The following WWOX variants were observed in gnomAD, a reference collection of about 807,000 sequenced individuals.
WWOX encodes the protein WW domain-containing oxidoreductase.
In WWOX, 69 loss-of-function variants were observed where a neutral mutation model predicts 46.2. That is an observed-to-expected ratio of 1.49 (90% CI 1.23 to 1.82). WWOX has a LOEUF of 1.82. WWOX is among the 40% of genes most tolerant of loss of function. The pLI is 0.00. For missense variants in WWOX, 919 were observed against 542.6 expected, an observed-to-expected ratio of 1.69 and a Z score of -6.89; for synonymous variants, 359 against 202.6, an observed-to-expected ratio of 1.77 and a Z score of -6.56.
chr16:78,564,536 AAC>A (rs1173435712), intron 8 of WWOX, among the ~76,000 whole-genome samples: 1 of 152,210 alleles, frequency 6.6e-6, no homozygotes, highest in Non-Finnish European at 1.5e-5. Context: ...AGTGAGTGTT[AAC>A]ACACAGAGAA....
At chr16:78,135,350 T>G (rs2033751225) in intron 4 of WWOX, among the ~76,000 whole-genome samples, 1 of 152,166 alleles carries the variant, frequency 6.6e-6, no homozygotes, top group South Asian at 2.1e-4. Flanking sequence ...AGGGGAAGCT[T>G]TAGTTTCCTT....
At chr16:78,619,539 C>T (rs72805017) in intron 8 of WWOX, among the ~76,000 whole-genome samples, 7,562 of 151,644 alleles carry the variant, frequency 0.05, 282 homozygotes, top group Non-Finnish European at 0.072. Flanking sequence ...TGCTGTGATG[C>T]CACTTCTAAT....
At chr16:79,206,468 A>C (rs1284659831) in intron 8 of WWOX, 1 of 152,214 alleles carries the variant, frequency 6.6e-6, no homozygotes, top group East Asian at 1.9e-4. Flanking sequence ...AAATGGAAAT[A>C]CTAACTGTCC....
intron 8 of WWOX, among the ~76,000 whole-genome samples, chr16:78,814,870 G>A (rs547627956): frequency 6.6e-6 from 1 of 152,212 alleles, no homozygotes; most frequent in East Asian, 1.9e-4. Flanking sequence ...CTCGCGTGCG[G>A]TCTGTGCACC....
intron 5 of WWOX, among the ~76,000 whole-genome samples, chr16:78,317,199 T>C (rs1007135095): frequency 1.3e-5 from 2 of 152,146 alleles, no homozygotes; most frequent in Admixed American, 6.5e-5. Flanking sequence ...GAAAGGTGAA[T>C]AGGAGTTAGG....
chr16:78,368,187 A>G (rs2081585274), intron 5 of WWOX, among the ~76,000 whole-genome samples: 1 of 152,170 alleles, frequency 6.6e-6, no homozygotes, highest in Non-Finnish European at 1.5e-5. Flanking sequence ...CATGTCTGTA[A>G]TCTCCCCTTC....
At chr16:78,758,996 T>G (rs1042857490) in intron 8 of WWOX, among the ~76,000 whole-genome samples, 6 of 151,454 alleles carry the variant, frequency 4.0e-5, no homozygotes, top group African/African-American at 1.5e-4. Context: ...TTTAGGTGTG[T>G]TTAATTCGAA....
intron 8 of WWOX, among the ~76,000 whole-genome samples, chr16:78,869,930 C>T (rs560861982): frequency 2.0e-5 from 3 of 152,258 alleles, no homozygotes; most frequent in South Asian, 2.1e-4. Flanking sequence ...TTATCATTGA[C>T]GTCAGTGCCT....
chr16:78,205,665 C>T (rs566410203), intron 5 of WWOX, among the ~76,000 whole-genome samples: 2 of 152,114 alleles, frequency 1.3e-5, no homozygotes, highest in Non-Finnish European at 2.9e-5. Context: ...ACTCATCTAC[C>T]CTTTCATACA....
intron 5 of WWOX, among the ~76,000 whole-genome samples, chr16:78,309,963 C>G (rs1275336050): frequency 6.6e-6 from 1 of 152,098 alleles, no homozygotes; most frequent in Admixed American, 6.6e-5. Context: ...GCGTGAAGTT[C>G]GTAGAGCCAG....
intron 8 of WWOX, among the ~76,000 whole-genome samples, chr16:79,188,278 G>T (rs1302414479): frequency 2.0e-5 from 3 of 152,182 alleles, no homozygotes; most frequent in Non-Finnish European, 2.9e-5. Flanking sequence ...GGAAATGTCG[G>T]TGGAGGCAGG....
chr16:78,354,290 C>T (rs1423085056), intron 5 of WWOX, among the ~76,000 whole-genome samples: 1 of 140,286 alleles, frequency 7.1e-6, no homozygotes, highest in Non-Finnish European at 1.5e-5. Context: ...AGGGAGAAGA[C>T]AGTGTCTGCT....
chr16:78,476,496 A>G (rs2084351307), intron 8 of WWOX, among the ~76,000 whole-genome samples: 1 of 152,144 alleles, frequency 6.6e-6, no homozygotes, highest in Non-Finnish European at 1.5e-5. Flanking sequence ...TAGGAGATAT[A>G]CCTAATGTAA....
At chr16:79,112,757 G>C (rs1052533235) in intron 8 of WWOX, among the ~76,000 whole-genome samples, 6 of 152,166 alleles carry the variant, frequency 3.9e-5, no homozygotes, top group Admixed American at 2.6e-4. Context: ...AGAGCTGGAA[G>C]ACAGGAGAGA....
intron 8 of WWOX, among the ~76,000 whole-genome samples, chr16:78,659,673 T>C (rs2047168279): frequency 6.6e-6 from 1 of 152,230 alleles, no homozygotes; most frequent in South Asian, 2.1e-4. Context: ...TGTTTACTTT[T>C]CTAAAGGAGC....
rs115037910 is a variant in WWOX, at chr16:78,751,190, A to T, written c.1056+318438A>T. On this transcript the variant is annotated intron_variant, in intron 8 of 8. Transcript: ENST00000566780. ...GGGAATAGTACACTACATATAAAAG[A>T]CAGATGTATTTAATTTGTGTTTCGA... is the stretch of plus-strand genomic sequence containing the variant. Among the ~76,000 whole-genome samples, 2 of 152,094 alleles carry T rather than the reference A, an allele frequency of 1.3e-5. 1 individual carries two copies. Among genetic ancestry groups the T allele is most frequent in the Admixed American group, 1.3e-4 (2 of 15,270 alleles).
At chr16:78,809,272 G>C (rs2051126116) in intron 8 of WWOX, among the ~76,000 whole-genome samples, 1 of 148,852 alleles carries the variant, frequency 6.7e-6, no homozygotes, top group South Asian at 2.1e-4. Flanking sequence ...GATTTTTTTA[G>C]GGGGGAAACA....
At chr16:78,215,043 C>A (rs1406622698) in intron 5 of WWOX, among the ~76,000 whole-genome samples, 1 of 152,132 alleles carries the variant, frequency 6.6e-6, no homozygotes. Flanking sequence ...TGGTTTGAGA[C>A]ATGGCGGGGT....
At chr16:78,631,336 G>T (rs924261458) in intron 8 of WWOX, among the ~76,000 whole-genome samples, 1 of 152,078 alleles carries the variant, frequency 6.6e-6, no homozygotes, top group Non-Finnish European at 1.5e-5. Flanking sequence ...CATGGTTGCT[G>T]AGACAGAGCT....
Sources: gnomAD v4.1 joint callset for allele counts (sites outside exome capture counted in the v4.1 genomes callset) on GRCh38, gnomAD v4.1.1 for gene constraint, MANE v1.5 for transcripts, NCBI Gene and HGNC (gene_info 2026-07-23, HGNC 2026-07-21) for gene names.